PRKAR1B: variants seen among roughly 807,000 people sequenced by gnomAD.
PRKAR1B encodes cAMP-dependent protein kinase type I-beta regulatory subunit.
Under a neutral mutation model 46.5 loss-of-function variants are expected in PRKAR1B, and 22 were observed. That is an observed-to-expected ratio of 0.47 (90% CI 0.34 to 0.68). PRKAR1B has a LOEUF of 0.68. Ranked by LOEUF, PRKAR1B falls within the 30% of genes least tolerant of loss-of-function variation. The pLI is 0.01. For missense variants in PRKAR1B, 445 were observed against 535.6 expected, an observed-to-expected ratio of 0.83 and a Z score of 1.67; for synonymous variants, 259 against 217.7, an observed-to-expected ratio of 1.19 and a Z score of -1.67.
rs763029508 is a variant in PRKAR1B at position 579,211 on chromosome 7, G to A, written c.891+45C>T. 3.1e-6 allele frequency: 5 copies of A among 1,613,342 alleles called. No homozygotes were observed. In the East Asian group the frequency reaches 1.1e-4, roughly 36 times the overall value. On this transcript the variant is annotated intron_variant, in intron 9 of 10. Coordinates refer to ENST00000537384, the MANE Select transcript of PRKAR1B (RefSeq NM_001164760.2). ...AGAGGAGAAGGTAAGAAGTGCCCCT[G>A]CCCCAGTGCACACCCAGAGCGCCCA...
chr7:553,805 C>T (rs1413712064), intron 9 of PRKAR1B, among the ~76,000 whole-genome samples: 2 of 152,276 alleles, frequency 1.3e-5, no homozygotes, highest in African/African-American at 4.8e-5. Context: ...CACCAACTGG[C>T]AGCCCCTGTG....
At chr7:590,385 A>C (rs1780906407) in intron 7 of PRKAR1B, among the ~76,000 whole-genome samples, 1 of 152,220 alleles carries the variant, frequency 6.6e-6, no homozygotes, top group African/African-American at 2.4e-5. Context: ...CAGCCACTGG[A>C]ATCCTGGCCT....
intron 4 of PRKAR1B, among the ~76,000 whole-genome samples, chr7:654,212 A>G (rs1785062381): frequency 6.7e-6 from 1 of 149,948 alleles, no homozygotes; most frequent in Non-Finnish European, 1.5e-5. Context: ...CACCATCATT[A>G]TCACCATCTT....
chr7:648,592 C>T (rs976088896), intron 4 of PRKAR1B, among the ~76,000 whole-genome samples: 1 of 152,116 alleles, frequency 6.6e-6, no homozygotes, highest in Non-Finnish European at 1.5e-5. Context: ...GCCTGGACAA[C>T]AGAGTGAGAC....
intron 4 of PRKAR1B, among the ~76,000 whole-genome samples, chr7:625,153 C>T (rs1783316754): frequency 1.3e-5 from 2 of 152,224 alleles, no homozygotes; most frequent in South Asian, 4.1e-4. Context: ...TAACATACTT[C>T]TAAATAATGC....
rs28770497 is a variant in PRKAR1B, at chr7:701,268, A to G, written c.177+10061T>C. The stretch of plus-strand genomic sequence containing the variant: ...AGGAAGGAAAGAAAGAAAGAAGGAA[A>G]AAAGAAAGAAAGAAAGAGAAAGAAA... On this transcript the variant is annotated intron_variant, in intron 2 of 10. Coordinates refer to ENST00000537384, the MANE Select transcript of PRKAR1B (RefSeq NM_001164760.2). Among the ~76,000 whole-genome samples the G allele has an allele frequency of 5.4e-5, 6 of 111,738 alleles. No individual in the cohort carries two copies. In the South Asian group the frequency reaches 1.0e-3, roughly 19 times the overall value. 73.3% of individuals were successfully genotyped at this position (111,738 alleles called of 152,430 possible). A position where few individuals can be genotyped will look rare whatever the true frequency, so the allele number is the denominator to read the frequency against.
intron 4 of PRKAR1B, among the ~76,000 whole-genome samples, chr7:612,211 G>A (rs1782550763): frequency 1.3e-5 from 2 of 148,376 alleles, no homozygotes; most frequent in Admixed American, 1.3e-4. Context: ...TCAACGGATG[G>A]ATGGATGGAT....
In PRKAR1B at chr7:660,863, C is replaced by CCA. The variant is rs543695261; in HGVS notation, c.440+16365_440+16366insTG. Among the ~76,000 whole-genome samples, 212 of 134,798 alleles carry CCA rather than the reference C, an allele frequency of 1.6e-3. 2 individuals are homozygous for CCA. The highest frequency in any genetic ancestry group is 6.3e-3 in the South Asian group (24 of 3,828). The allele number at this position is 134,798 out of a possible 152,430, so 88.4% of individuals were successfully genotyped here. On this transcript the variant is annotated intron_variant, in intron 4 of 10. Transcript: ENST00000537384. ...CAACAGATCCAAATACCTACTCTGC[C>CCA]CCCCATGGCACAGGTCCCTACTCCA...
chr7:590,491 G>A (rs1200361094), intron 7 of PRKAR1B, among the ~76,000 whole-genome samples: 3 of 152,230 alleles, frequency 2.0e-5, no homozygotes, highest in African/African-American at 7.2e-5. Flanking sequence ...CCCGAGAGAT[G>A]GGCACTTGGA....
intron 4 of PRKAR1B, among the ~76,000 whole-genome samples, chr7:638,334 C>T (rs1379943706): frequency 6.6e-6 from 1 of 152,212 alleles, no homozygotes; most frequent in African/African-American, 2.4e-5. Flanking sequence ...GTGGTGAACA[C>T]ACCTCACATA....
chr7:676,542 AGC>A (rs1399579624), intron 4 of PRKAR1B, among the ~76,000 whole-genome samples: 5 of 152,196 alleles, frequency 3.3e-5, no homozygotes, highest in Non-Finnish European at 5.9e-5. Context: ...GCCTAGGTAT[AGC>A]GCGCGGGGGA....
Position 550,319 on chromosome 7 carries a change from C to T in PRKAR1B, c.*111G>A. 1.0e-6 allele frequency: 1 copy of T among 964,848 alleles called. No homozygotes were observed. Among genetic ancestry groups the T allele is most frequent in the Admixed American group, 2.3e-5 (1 of 42,732 alleles). The allele number at this position is 964,848 out of a possible 1,614,324, so 59.8% of individuals were successfully genotyped here. ...AGGGGCAGTCCTCACGCTGCCGGGACCCAGCCCCACCCGGCCCACACCTCA... is the reference window on the plus strand; with the variant it reads ...AGGGGCAGTCCTCACGCTGCCGGGATCCAGCCCCACCCGGCCCACACCTCA... On this transcript the variant is annotated 3_prime_UTR_variant, in exon 11 of 11. Coordinates refer to ENST00000537384, the MANE Select transcript of PRKAR1B (RefSeq NM_001164760.2).
Position 659,924 on chromosome 7 carries a change from G to T in PRKAR1B, c.440+17305C>A, listed in dbSNP as rs202075282. On this transcript the variant is annotated intron_variant, in intron 4 of 10. Transcript: ENST00000537384. Reference sequence around the variant, plus strand: ...AAAATGTAATGTTAAGGAAGAGAAGGGGGAGGAGGAGCTGCCCCCAGTCCT... The same window carrying T: ...AAAATGTAATGTTAAGGAAGAGAAGTGGGAGGAGGAGCTGCCCCCAGTCCT... 2.0e-5 allele frequency among the ~76,000 whole-genome samples: 3 copies of T among 152,072 alleles called. 1 individual carries two copies. The East Asian group carries it at 5.8e-4, about 29-fold the overall frequency.
chr7:618,465 T>G (rs538773726), intron 4 of PRKAR1B, among the ~76,000 whole-genome samples: 29 of 152,336 alleles, frequency 1.9e-4, no homozygotes, highest in Non-Finnish European at 3.7e-4. Context: ...GTATGTTTTC[T>G]CTTAAAACAT....
chr7:631,850 G>C (rs543543140), intron 4 of PRKAR1B, among the ~76,000 whole-genome samples: 1 of 152,054 alleles, frequency 6.6e-6, no homozygotes, highest in African/African-American at 2.4e-5. Context: ...CCAGCTACTC[G>C]GGAGGCTGAG....
At chr7:694,589 G>A (rs1367836093) in intron 2 of PRKAR1B, among the ~76,000 whole-genome samples, 1 of 150,022 alleles carries the variant, frequency 6.7e-6, no homozygotes, top group Non-Finnish European at 1.5e-5. Context: ...ACCTCCATAG[G>A]AAGTTTTGGG....
At chr7:680,445 C>T in intron 3 of PRKAR1B, 111 bp downstream of exon 3, 1 of 1,120,834 alleles carries the variant, frequency 8.9e-7, no homozygotes, top group Non-Finnish European at 1.2e-6. Context: ...ACCAGGATGA[C>T]ACTGAGACCC....
At position 551,412 on chromosome 7, in the gene PRKAR1B, C is replaced by T. The variant is rs750438730; in HGVS notation, c.950G>A (p.Arg317His). 1.3e-5 allele frequency: 20 copies of T among 1,559,616 alleles called. 1 individual carries two copies. Among genetic ancestry groups the T allele is most frequent in the East Asian group, 4.7e-5 (2 of 42,658 alleles). ...SPNEEYVEVGRLGPSDYFGEI... is the reference protein window; with the variant it reads ...SPNEEYVEVGHLGPSDYFGEI... ...ACCGAAGTAGTCAGAGGGTCCCAGG[C>T]GCCCCACCTCCACGTACTCCTCATT... The change falls in exon 10 of 11, where the codon CGC becomes CAC. Residue 317 changes from arginine to histidine, a missense_variant. Arg to His is a conservative substitution (Grantham distance 29). This residue lies in a region of PRKAR1B where 127 missense variants were observed against 138.0 expected (regional missense o/e 0.92). Transcript: ENST00000537384.
rs577734401 is a variant in PRKAR1B, at chr7:652,277, C to T, written c.440+24952G>A. ...GCTAGGAACCTGGGAAAACCCCTCT[C>T]GGAAGACAGTTCACACCCACGCAGC... On this transcript the variant is annotated intron_variant, in intron 4 of 10. Coordinates refer to ENST00000537384, the MANE Select transcript of PRKAR1B (RefSeq NM_001164760.2). 1.4e-4 allele frequency among the ~76,000 whole-genome samples: 21 copies of T among 148,568 alleles called. No individual in the cohort carries two copies. The South Asian group carries it at 3.2e-3, about 23-fold the overall frequency.
Sources: gnomAD v4.1 joint callset for allele counts (sites outside exome capture counted in the v4.1 genomes callset) on GRCh38, gnomAD v4.1.1 for gene constraint, gnomAD v4.1.1 regional missense constraint, MANE v1.5 for transcripts, NCBI Gene and HGNC (gene_info 2026-07-23, HGNC 2026-07-21) for gene names.